The following HEATR3 variants were observed in gnomAD, a reference collection of about 807,000 sequenced individuals.
HEATR3 encodes HEAT repeat containing 3, also known as HEAT repeat-containing protein 3.
HEATR3 carries 56 observed loss-of-function variants against 72.8 expected under a neutral mutation model. The observed-to-expected ratio is 0.77, with a 90% CI of 0.62 to 0.96. HEATR3 has a LOEUF of 0.96. HEATR3 is among the 40% of genes least tolerant of loss of function. HEATR3 has a pLI of 0.00. For missense variants in HEATR3, 747 were observed against 831.4 expected (o/e 0.90, Z 1.25); for synonymous variants, 331 against 318.1 (o/e 1.04, Z -0.43).
At chr16:50,081,115 G>A (rs1353392070) in intron 7 of HEATR3, among the ~76,000 whole-genome samples, 1 of 152,198 alleles carries the variant, frequency 6.6e-6, no homozygotes, top group Non-Finnish European at 1.5e-5. Context: ...TTGTAAAAAT[G>A]CAGTGTTTTC....
intron 14 of HEATR3, among the ~76,000 whole-genome samples, chr16:50,104,466 G>A (rs1408493431): frequency 6.6e-6 from 1 of 152,080 alleles, no homozygotes; most frequent in African/African-American, 2.4e-5. Flanking sequence ...CTGGACTCAA[G>A]CAAACCTCCT....
chr16:50,101,515 G>A (rs2037365000), intron 13 of HEATR3, among the ~76,000 whole-genome samples: 1 of 152,166 alleles, frequency 6.6e-6, no homozygotes, highest in Non-Finnish European at 1.5e-5. Flanking sequence ...CACTGCTGAA[G>A]TCCACATGTT....
intron 12 of HEATR3, among the ~76,000 whole-genome samples, chr16:50,096,340 A>C (rs1288377028): frequency 2.6e-5 from 2 of 75,678 alleles, no homozygotes; most frequent in Non-Finnish European, 5.6e-5. Context: ...AAAAAAAAAA[A>C]AAAAACAGAA....
rs1372702214 is a variant in HEATR3, at chr16:50,084,830, A to AGT, written c.1373+186_1373+187dup. Among the ~76,000 whole-genome samples the AGT allele has an allele frequency of 2.0e-5, 3 of 152,218 alleles. No homozygotes were observed. The East Asian group carries it at 5.8e-4, about 29-fold the overall frequency. ...ACATGTATATGAGAGTGTTCATAGCAGTGTGTGTCACAGTTGCCCCAACCC... is the reference window on the plus strand; with the variant it reads ...ACATGTATATGAGAGTGTTCATAGCAGTGTGTGTGTCACAGTTGCCCCAACCC... On this transcript the variant is annotated intron_variant, in intron 10 of 14. Coordinates refer to ENST00000299192, the MANE Select transcript of HEATR3 (RefSeq NM_182922.4).
At position 50,104,924 on chromosome 16, in the gene HEATR3, G is replaced by GT. The variant is rs749199332; in HGVS notation, c.1921-9dup. On this transcript the variant is annotated splice_polypyrimidine_tract_variant and intron_variant, in intron 14 of 14. Transcript: ENST00000299192. ...TCTACCAAGTCATATATGATTTTTT[G>GT]TTTTTTGTTTGCAGATACGTAAAGA... 7 of 1,566,808 alleles carry GT rather than the reference G, an allele frequency of 4.5e-6. No homozygotes were observed. In the South Asian group the frequency reaches 7.2e-5, roughly 16 times the overall value.
At chr16:50,069,120 C>A (rs1359609430) in intron 3 of HEATR3, 5 of 298,354 alleles carry the variant, frequency 1.7e-5, no homozygotes, top group Non-Finnish European at 3.1e-5. Flanking sequence ...AAACTTCTTA[C>A]AATAAAAATA....
At chr16:50,073,142 GAGAGAAAA>G (rs2036650311) in intron 5 of HEATR3, 1 of 156,944 alleles carries the variant, frequency 6.4e-6, no homozygotes, top group South Asian at 1.9e-4. Flanking sequence ...GAGTTTTGTT[GAGAGAAAA>G]AGAGGAAAAG....
chr16:50,100,236 A>T lies in HEATR3; in HGVS notation c.1606A>T (p.Thr536Ser). 6.2e-7 allele frequency: 1 copy of T among 1,613,488 alleles called. No individual in the cohort carries two copies. The highest frequency in any genetic ancestry group is 1.7e-4 in the Middle Eastern group (1 of 6,060). Residue 536 changes from threonine (T) to serine (S), a missense_variant, in exon 13 of 15, where the codon ACT becomes TCT. Around this residue, in one of 2 missense-constraint regions of HEATR3, gnomAD observed 586 missense variants for 708.8 expected, o/e 0.83. Transcript: ENST00000299192. ...TCCTCTTCTCTTTTAACAGTGCATG[A>T]CTCCTGATCAGCTGATGACATTATG... Reference protein sequence around the residue: ...MASKNISQCMTPDQLMTLCKA... With the variant: ...MASKNISQCMSPDQLMTLCKA...
intron 12 of HEATR3, among the ~76,000 whole-genome samples, chr16:50,097,923 CAAAAAA>C (rs1047867647): frequency 9.4e-5 from 7 of 74,800 alleles, no homozygotes; most frequent in African/African-American, 3.3e-4. Context: ...AACTCCGTCT[CAAAAAA>C]AAAAAAAAAA....
chr16:50,066,708 TC>T, intron 2 of HEATR3, 169 bp downstream of exon 2: 1 of 551,974 alleles, frequency 1.8e-6, no homozygotes, highest in Non-Finnish European at 2.7e-6. Context: ...AAGCCCAGTA[TC>T]CCCGCATCTC....
At chr16:50,082,326 G>A (rs1180238759) in intron 7 of HEATR3, among the ~76,000 whole-genome samples, 1 of 151,974 alleles carries the variant, frequency 6.6e-6, no homozygotes, top group African/African-American at 2.4e-5. Flanking sequence ...CTGAGTGACA[G>A]AGCAAGACTC....
chr16:50,094,904 A>G lies in HEATR3; in HGVS notation c.1599+111A>G, dbSNP rs2037198870. The G allele has an allele frequency of 5.2e-6, 3 of 573,804 alleles. No homozygotes were observed. The Admixed American group carries it at 9.0e-5, about 17-fold the overall frequency. 35.5% of individuals were successfully genotyped at this position (573,804 alleles called of 1,614,324 possible). ...TACATATTTCTGTTACAAGAATAAT[A>G]TGTGATCTTTGTAAAAAATAAAACA... is the stretch of plus-strand genomic sequence containing the variant. On this transcript the variant is annotated intron_variant, in intron 12 of 14. Coordinates refer to ENST00000299192, the MANE Select transcript of HEATR3 (RefSeq NM_182922.4).
chr16:50,069,242 C>T (rs75933867), intron 3 of HEATR3: 289 of 167,726 alleles, frequency 1.7e-3, no homozygotes, highest in Non-Finnish European at 3.2e-3. Flanking sequence ...TCCCATTTTA[C>T]AGATGACAAA....
rs556947610 is a variant in HEATR3 at position 50,096,520 on chromosome 16, CA to C, written c.1599+1728del. 1.1e-4 allele frequency among the ~76,000 whole-genome samples: 17 copies of C among 152,102 alleles called. No homozygotes were observed. In the South Asian group the frequency reaches 2.3e-3, roughly 20 times the overall value. On this transcript the variant is annotated intron_variant, in intron 12 of 14. Coordinates refer to ENST00000299192, the MANE Select transcript of HEATR3 (RefSeq NM_182922.4). ...TCCATTTAAAGTATACAGTTCAGGC[CA>C]GCTGCAGTGGCTCACGCCTGTAATC...
rs186789159 is a variant in HEATR3, at chr16:50,093,719, G to A, written c.1511-986G>A. On this transcript the variant is annotated intron_variant, in intron 11 of 14. Coordinates refer to ENST00000299192, the MANE Select transcript of HEATR3 (RefSeq NM_182922.4). ...TGTTCACTCACGTGTCTGGCAGTTG[G>A]TGCAGGGGTTGTCAGGAAGAACACC... Among the ~76,000 whole-genome samples, 5 of 152,336 alleles carry A rather than the reference G, an allele frequency of 3.3e-5. No individual in the cohort carries two copies. In the East Asian group the frequency reaches 9.6e-4, roughly 29 times the overall value.
Position 50,066,243 on chromosome 16 carries a change from G to C in HEATR3, c.112G>C (p.Gly38Arg). The C allele has an allele frequency of 6.4e-7, 1 of 1,565,814 alleles. No homozygotes were observed. The highest frequency in any genetic ancestry group is 8.6e-7 in the Non-Finnish European group (1 of 1,158,044). ...TGGGACCGGAGGCGAGGAGGACGAC[G>C]GGCCGGCGGCGGAGCTGCTGGAAAA... ...ANGTGGEEDDGPAAELLEKLQ... is the reference protein window; with the variant it reads ...ANGTGGEEDDRPAAELLEKLQ... Residue 38 changes from glycine to arginine, a missense_variant, in exon 1 of 15, where the codon GGG becomes CGG. By Grantham distance (125) the Gly-to-Arg change is moderately radical. Coordinates refer to ENST00000299192, the MANE Select transcript of HEATR3 (RefSeq NM_182922.4).
At chr16:50,086,169 G>C (rs2036981700) in intron 10 of HEATR3, 46 bp from the exon 11 acceptor site, 1 of 1,529,252 alleles carries the variant, frequency 6.5e-7, no homozygotes, top group Non-Finnish European at 8.8e-7. Flanking sequence ...AATTCTGATG[G>C]GCAACTTCTG....
At chr16:50,071,926 A>G (rs2036621418) in intron 4 of HEATR3, among the ~76,000 whole-genome samples, 1 of 152,204 alleles carries the variant, frequency 6.6e-6, no homozygotes, top group East Asian at 1.9e-4. Flanking sequence ...GTCTTTTATT[A>G]AAAGGTAGTA....
intron 11 of HEATR3, among the ~76,000 whole-genome samples, chr16:50,093,305 C>A (rs1018632392): frequency 6.6e-6 from 1 of 152,128 alleles, no homozygotes; most frequent in Non-Finnish European, 1.5e-5. Context: ...TGTGACTTAA[C>A]AACAACAACA....
Sources: allele counts gnomAD v4.1 joint callset (sites outside exome capture counted in the v4.1 genomes callset), GRCh38; gene constraint gnomAD v4.1.1; regional missense constraint gnomAD v4.1.1; transcripts MANE v1.5; gene names NCBI Gene and HGNC (gene_info 2026-07-23, HGNC 2026-07-21).